The following DLG2 variants were observed in gnomAD, a reference collection of about 807,000 sequenced individuals.
The protein encoded by DLG2 is disks large homolog 2.
Under a neutral mutation model 132.5 loss-of-function variants are expected in DLG2, and 45 were observed. That is an observed-to-expected ratio of 0.34 (90% CI 0.27 to 0.44). The LOEUF (loss-of-function observed/expected upper bound fraction) is 0.44, where lower values mean the gene tolerates loss of function less well. Ranked by LOEUF, DLG2 falls within the 20% of genes least tolerant of loss-of-function variation. The pLI, the probability that DLG2 is intolerant of heterozygous loss-of-function variation, is 1.00. For missense variants in DLG2, 1,045 were observed against 1,196.9 expected (o/e 0.87, Z 1.87); for synonymous variants, 424 against 419.6 (o/e 1.01, Z -0.13).
At chr11:84,906,970 T>C (rs1309949111) in intron 6 of DLG2, among the ~76,000 whole-genome samples, 1 of 152,192 alleles carries the variant, frequency 6.6e-6, no homozygotes, top group East Asian at 1.9e-4. Flanking sequence ...AAATCCCACC[T>C]TGAGAAAGCC....
chr11:85,150,109 T>C (rs1010136125), intron 5 of DLG2, among the ~76,000 whole-genome samples: 4 of 139,976 alleles, frequency 2.9e-5, no homozygotes, highest in Admixed American at 1.5e-4. Flanking sequence ...AGGTTCCGCC[T>C]CCCGAGTTCA....
In DLG2 at chr11:84,028,133, C is replaced by T. The variant is rs565668209; in HGVS notation, c.919+31182G>A. 3.0e-3 allele frequency among the ~76,000 whole-genome samples: 449 copies of T among 151,644 alleles called. 4 individuals are homozygous for T. Among genetic ancestry groups the T allele is most frequent in the South Asian group, 2.5e-3 (12 of 4,806 alleles). ...TAGAAGACCTCATTGTAAAACTATG[C>T]TTTTACAATAACAGCAACAAAAAAT... On this transcript the variant is annotated intron_variant, in intron 11 of 27. Transcript: ENST00000376104.
chr11:84,607,739 T>C (rs952899216), intron 6 of DLG2, among the ~76,000 whole-genome samples: 1 of 152,012 alleles, frequency 6.6e-6, no homozygotes, highest in Non-Finnish European at 1.5e-5. Context: ...ATTTATCTAG[T>C]AAGTATTGAT....
chr11:84,710,927 G>GA (rs953034307), intron 6 of DLG2, among the ~76,000 whole-genome samples: 1 of 148,220 alleles, frequency 6.7e-6, no homozygotes, highest in Non-Finnish European at 1.5e-5. Flanking sequence ...AATTTATATG[G>GA]AAAAAATATT....
chr11:85,032,262 A>T (rs2061069253), intron 6 of DLG2, among the ~76,000 whole-genome samples: 1 of 152,150 alleles, frequency 6.6e-6, no homozygotes, highest in Non-Finnish European at 1.5e-5. Flanking sequence ...TAAAGTTTTC[A>T]ATCCATCAGT....
chr11:84,327,854 C>G (rs1388771146), intron 7 of DLG2, among the ~76,000 whole-genome samples: 1 of 152,274 alleles, frequency 6.6e-6, no homozygotes, highest in East Asian at 1.9e-4. Context: ...AACTGTAGTA[C>G]TAAACCCTGA....
chr11:84,772,738 T>C (rs1295261578), intron 6 of DLG2, among the ~76,000 whole-genome samples: 1 of 152,092 alleles, frequency 6.6e-6, no homozygotes, highest in East Asian at 1.9e-4. Flanking sequence ...AAAAAATTCT[T>C]TGAAATAAAT....
At chr11:84,887,940 G>A (rs1287445371) in intron 6 of DLG2, among the ~76,000 whole-genome samples, 1 of 152,110 alleles carries the variant, frequency 6.6e-6, no homozygotes, top group African/African-American at 2.4e-5. Flanking sequence ...CTAATTTAAA[G>A]CTCCTCATAC....
intron 18 of DLG2, among the ~76,000 whole-genome samples, chr11:83,725,962 A>G (rs528200014): frequency 8.9e-4 from 135 of 152,020 alleles, no homozygotes; most frequent in African/African-American, 3.1e-3. Flanking sequence ...GTAACCACCC[A>G]CTCATTTTTC....
intron 6 of DLG2, among the ~76,000 whole-genome samples, chr11:84,987,625 A>G (rs2056640284): frequency 6.6e-6 from 1 of 152,154 alleles, no homozygotes; most frequent in South Asian, 2.1e-4. Context: ...AATACTTACA[A>G]CCAACTGATC....
rs549342911 is a variant in DLG2, at chr11:83,697,208, C to A, written c.1826-63883G>T. Among the ~76,000 whole-genome samples the A allele has an allele frequency of 5.3e-5, 8 of 152,270 alleles. No homozygotes were observed. The South Asian group carries it at 1.7e-3, about 32-fold the overall frequency. On this transcript the variant is annotated intron_variant, in intron 18 of 27. Transcript: ENST00000376104. ...AAAGTGCCTTGAACAGTGCTTAGCA[C>A]AAAGTAGGTGCTCAATAAATGATCA...
intron 6 of DLG2, among the ~76,000 whole-genome samples, chr11:84,799,248 G>T (rs1366138633): frequency 6.6e-6 from 1 of 152,130 alleles, no homozygotes; most frequent in African/African-American, 2.4e-5. Flanking sequence ...TAAATGCTGG[G>T]AAGGGCTCTT....
intron 4 of DLG2, among the ~76,000 whole-genome samples, chr11:85,193,910 G>C (rs533048817): frequency 2.0e-5 from 3 of 152,326 alleles, no homozygotes; most frequent in Admixed American, 1.3e-4. Context: ...CATTTTGTCT[G>C]TCTTAGGCTC....
chr11:85,475,390 G>A (rs191017941), intron 3 of DLG2, among the ~76,000 whole-genome samples: 111 of 151,912 alleles, frequency 7.3e-4, no homozygotes, highest in African/African-American at 2.6e-3. Context: ...ATATAACCTT[G>A]AAACCAAAAT....
At chr11:84,200,093 G>A (rs1453758670) in intron 8 of DLG2, among the ~76,000 whole-genome samples, 1 of 152,066 alleles carries the variant, frequency 6.6e-6, no homozygotes. Flanking sequence ...AAAAGTGACT[G>A]AAAACTTCTT....
intron 6 of DLG2, among the ~76,000 whole-genome samples, chr11:85,066,163 A>G (rs2064891864): frequency 6.6e-6 from 1 of 151,750 alleles, no homozygotes; most frequent in Non-Finnish European, 1.5e-5. Flanking sequence ...AGAGACTACT[A>G]TGAGCATCTC....
chr11:84,889,419 G>A (rs2088927072), intron 6 of DLG2, among the ~76,000 whole-genome samples: 1 of 152,118 alleles, frequency 6.6e-6, no homozygotes, highest in Non-Finnish European at 1.5e-5. Context: ...AGATATGGGT[G>A]TTCCAAGATA....
Position 84,704,946 on chromosome 11 carries a change from A to T in DLG2, c.358-170215T>A, listed in dbSNP as rs144518636. Among the ~76,000 whole-genome samples the T allele has an allele frequency of 3.1e-3, 467 of 149,292 alleles. 2 individuals are homozygous for T. The highest frequency in any genetic ancestry group is 0.011 in the African/African-American group (455 of 40,994). ...ATATACACATATATATTATATATAT[A>T]TTTTAAATTTAAGTAGGCACATGAG... On this transcript the variant is annotated intron_variant, in intron 6 of 27. Coordinates refer to ENST00000376104, the MANE Select transcript of DLG2 (RefSeq NM_001142699.3).
chr11:84,480,756 CTTTTT>C (rs777828752), intron 7 of DLG2, among the ~76,000 whole-genome samples: 1 of 113,034 alleles, frequency 8.8e-6, no homozygotes, highest in African/African-American at 3.2e-5. Context: ...TGGGGGTTTT[CTTTTT>C]TTTTTTTTTT....
Sources: allele counts gnomAD v4.1 joint callset (sites outside exome capture counted in the v4.1 genomes callset), GRCh38; gene constraint gnomAD v4.1.1; transcripts MANE v1.5; gene names NCBI Gene and HGNC (gene_info 2026-07-23, HGNC 2026-07-21).